The following SPEF2 variants were observed in gnomAD, a reference collection of about 807,000 sequenced individuals.
SPEF2 encodes sperm flagella and cilia-associated protein 2.
SPEF2 carries 187 observed loss-of-function variants against 224.6 expected under a neutral mutation model. That is an observed-to-expected ratio of 0.83 (90% CI 0.74 to 0.94). SPEF2 has a LOEUF of 0.94. Among genes scored for constraint, SPEF2 ranks in the 40% least tolerant of loss-of-function variants. The pLI, the probability that SPEF2 is intolerant of heterozygous loss-of-function variation, is 0.00. For synonymous variants in SPEF2, 715 were observed against 707.3 expected (o/e 1.01, Z -0.17); for missense variants, 2,170 against 2,135.6 (o/e 1.02, Z -0.32).
chr5:35,669,703 A>C (rs538957214), intron 9 of SPEF2, among the ~76,000 whole-genome samples: 4 of 152,152 alleles, frequency 2.6e-5, no homozygotes, highest in Admixed American at 6.5e-5. Flanking sequence ...GTACAGTCAG[A>C]ACACTTAGGT....
intron 7 of SPEF2, among the ~76,000 whole-genome samples, chr5:35,658,589 T>C (rs976713238): frequency 6.6e-6 from 1 of 152,228 alleles, no homozygotes; most frequent in Non-Finnish European, 1.5e-5. Flanking sequence ...CACTTATTTT[T>C]TTTTTAACTT....
chr5:35,667,763 C>T (rs571601177), intron 9 of SPEF2, among the ~76,000 whole-genome samples: 78 of 152,160 alleles, frequency 5.1e-4, no homozygotes, highest in African/African-American at 1.7e-3. Context: ...TTTCAAACTG[C>T]CTATCCCACA....
chr5:35,788,161 A>G (rs1045930850), intron 30 of SPEF2: 24 of 702,870 alleles, frequency 3.4e-5, no homozygotes, highest in Admixed American at 6.0e-5. Context: ...CATTAATGGA[A>G]GCAACAAGTA....
intron 21 of SPEF2, among the ~76,000 whole-genome samples, chr5:35,737,129 T>C (rs1013235855): frequency 2.2e-4 from 34 of 152,330 alleles, no homozygotes; most frequent in African/African-American, 7.5e-4. Context: ...TTTCTTTTTT[T>C]TTGTCATATC....
chr5:35,622,330 G>T (rs769862305), intron 1 of SPEF2, among the ~76,000 whole-genome samples: 3 of 151,934 alleles, frequency 2.0e-5, no homozygotes, highest in Non-Finnish European at 4.4e-5. Flanking sequence ...TTTTCAGAAG[G>T]ATCATAGTTT....
intron 8 of SPEF2, among the ~76,000 whole-genome samples, chr5:35,661,214 T>G (rs1749635326): frequency 1.4e-5 from 2 of 144,888 alleles, no homozygotes; most frequent in South Asian, 2.2e-4. Context: ...TCATTCTACT[T>G]CTTTTATGTG....
chr5:35,636,965 G>A (rs1387899042), intron 2 of SPEF2, among the ~76,000 whole-genome samples: 3 of 142,420 alleles, frequency 2.1e-5, no homozygotes, highest in African/African-American at 7.9e-5. Context: ...GACAGAGTGA[G>A]ACTCTGTCTC....
At chr5:35,670,249 T>G (rs758018620) in intron 10 of SPEF2, 22 bp downstream of exon 10, 88 of 1,573,280 alleles carry the variant, frequency 5.6e-5, no homozygotes, top group Non-Finnish European at 7.0e-5. Flanking sequence ...TATGAAATAA[T>G]TAGAATGCTA....
intron 23 of SPEF2, among the ~76,000 whole-genome samples, chr5:35,741,599 A>T (rs1470925527): frequency 6.6e-6 from 1 of 152,160 alleles, no homozygotes; most frequent in Non-Finnish European, 1.5e-5. Context: ...ATCTGGTTTT[A>T]AAAGAGTCTG....
chr5:35,711,610 TTCCCTCCCTCCC>T (rs60459232), intron 19 of SPEF2, among the ~76,000 whole-genome samples: 3 of 136,058 alleles, frequency 2.2e-5, no homozygotes, highest in African/African-American at 8.0e-5. Context: ...CCTTCCTTAC[TTCCCTCCCTCCC>T]TCCCTCCCTC....
intron 8 of SPEF2, among the ~76,000 whole-genome samples, chr5:35,659,887 C>T (rs1749471035): frequency 6.6e-6 from 1 of 150,766 alleles, no homozygotes; most frequent in Non-Finnish European, 1.5e-5. Flanking sequence ...TCAACAATTC[C>T]TTGCCTTCTG....
At chr5:35,701,296 AG>A (rs1225600831) in intron 16 of SPEF2, among the ~76,000 whole-genome samples, 1 of 152,202 alleles carries the variant, frequency 6.6e-6, no homozygotes, top group Non-Finnish European at 1.5e-5. Context: ...TATGGGTAAA[AG>A]CACTTATTCT....
Position 35,695,722 on chromosome 5 carries a change from T to G in SPEF2, c.1976-13T>G, listed in dbSNP as rs748852992. 6.2e-7 allele frequency: 1 copy of G among 1,604,300 alleles called. No individual in the cohort carries two copies. The highest frequency in any genetic ancestry group is 1.7e-5 in the Admixed American group (1 of 58,732). Reference sequence around the variant, plus strand: ...TACCAGAAATTTGTTCTTACCACTTTTCCTATTGCTAGGTGCTAATGCTGA... The same window carrying G: ...TACCAGAAATTTGTTCTTACCACTTGTCCTATTGCTAGGTGCTAATGCTGA... On this transcript the variant is annotated splice_polypyrimidine_tract_variant and intron_variant, in intron 13 of 36. Coordinates refer to ENST00000356031, the MANE Select transcript of SPEF2 (RefSeq NM_024867.4).
chr5:35,658,866 C>T (rs1749312910), intron 7 of SPEF2, among the ~76,000 whole-genome samples, 153 bp from the exon 8 acceptor site: 1 of 152,152 alleles, frequency 6.6e-6, no homozygotes, highest in Non-Finnish European at 1.5e-5. Context: ...CATTTCATAA[C>T]ATGATTTTTT....
intron 10 of SPEF2, among the ~76,000 whole-genome samples, chr5:35,688,641 T>C (rs1754001220): frequency 6.6e-6 from 1 of 152,170 alleles, no homozygotes. Flanking sequence ...ATATACTGGA[T>C]ATGAGTACCT....
chr5:35,704,596 A>C lies in SPEF2; in HGVS notation c.2441A>C (p.Gln814Pro). ...SYKTAHEDIS[Q>P]RVAAENQDKD... is the part of the protein sequence containing the mutation. ...AAAACTGCTCACGAAGATATCAGTC[A>C]ACGTGTAGCTGCTGAAAACCAAGAT... Residue 814 changes from glutamine to proline, a missense_variant, in exon 17 of 37, where the codon CAA (glutamine) becomes CCA (proline). By Grantham distance (76) the Gln-to-Pro change is moderately conservative. Transcript: ENST00000356031. 6.2e-7 allele frequency: 1 copy of C among 1,612,988 alleles called. No individual in the cohort carries two copies. The highest frequency in any genetic ancestry group is 8.5e-7 in the Non-Finnish European group (1 of 1,179,314).
chr5:35,648,779 C>T (rs1047606665), intron 5 of SPEF2, among the ~76,000 whole-genome samples: 4 of 151,894 alleles, frequency 2.6e-5, no homozygotes, highest in Admixed American at 6.6e-5. Context: ...TTTGGAAGGC[C>T]GAGGCGGGAG....
intron 7 of SPEF2, among the ~76,000 whole-genome samples, chr5:35,656,804 C>G (rs557422220): frequency 6.6e-6 from 1 of 152,320 alleles, no homozygotes; most frequent in East Asian, 1.9e-4. Flanking sequence ...AGCCAGGGCT[C>G]TATATATTTC....
Position 35,700,659 on chromosome 5 carries a change from A to G in SPEF2, c.2305A>G (p.Lys769Glu), listed in dbSNP as rs779353926. 6.2e-7 allele frequency: 1 copy of G among 1,614,038 alleles called. No individual in the cohort carries two copies. Among genetic ancestry groups the G allele is most frequent in the Non-Finnish European group, 8.5e-7 (1 of 1,179,966 alleles). ...ATTGGCTATTGATCCTGCGACTTCC[A>G]AAGAAATACCTCTTCCCTCTCCTGC... ...STLAIDPATS[K>E]EIPLPSPAFD... The change falls in exon 16 of 37, where the codon AAA becomes GAA. Residue 769 changes from lysine to glutamate, a missense_variant. Coordinates refer to ENST00000356031, the MANE Select transcript of SPEF2 (RefSeq NM_024867.4).
Sources: allele counts gnomAD v4.1 joint callset (sites outside exome capture counted in the v4.1 genomes callset), GRCh38; gene constraint gnomAD v4.1.1; transcripts MANE v1.5; gene names NCBI Gene and HGNC (gene_info 2026-07-23, HGNC 2026-07-21).